Variants in SPON1 observed in about 807,000 individuals in gnomAD.
The protein encoded by SPON1 is spondin 1.
A neutral mutation model predicts 111.7 loss-of-function variants in SPON1; 52 were observed. The ratio of observed to expected loss-of-function variants is 0.47; its 90% CI spans 0.37 to 0.59. The LOEUF is 0.59. Among genes scored for constraint, SPON1 ranks in the 20% least tolerant of loss-of-function variants. The probability of loss-of-function intolerance (pLI) is 0.00; values close to 1 mark genes in which losing one functional copy is unlikely to be tolerated. For missense variants in SPON1, 957 were observed against 1,068.5 expected (o/e 0.90, Z 1.46); for synonymous variants, 410 against 395.8 (o/e 1.04, Z -0.43).
chr11:14,160,053 T>C (rs1847892074), intron 6 of SPON1, among the ~76,000 whole-genome samples: 1 of 151,978 alleles, frequency 6.6e-6, no homozygotes, highest in Non-Finnish European at 1.5e-5. Context: ...AATTGGATTG[T>C]TTGTAACTCA....
At chr11:14,116,071 T>C (rs978899430) in intron 5 of SPON1, among the ~76,000 whole-genome samples, 1 of 152,168 alleles carries the variant, frequency 6.6e-6, no homozygotes, top group Non-Finnish European at 1.5e-5. Context: ...TTGATCGTTT[T>C]TCTTTTTCTA....
chr11:14,074,415 A>T lies in SPON1; in HGVS notation c.480-930A>T, dbSNP rs12283702. Among the ~76,000 whole-genome samples the T allele has an allele frequency of 5.0e-3, 759 of 152,340 alleles. 4 individuals carry two copies. Among genetic ancestry groups the T allele is most frequent in the African/African-American group, 0.017 (710 of 41,582 alleles). Reference sequence around the variant, plus strand: ...TGGGATCATGTGACACATGCAGATCATGTGACTCTAATACTCCTTCAGTGT... The same window carrying T: ...TGGGATCATGTGACACATGCAGATCTTGTGACTCTAATACTCCTTCAGTGT... On this transcript the variant is annotated intron_variant, in intron 3 of 15. Coordinates refer to ENST00000576479, the MANE Select transcript of SPON1 (RefSeq NM_006108.4).
At chr11:14,205,311 G>C (rs1848506362) in intron 6 of SPON1, among the ~76,000 whole-genome samples, 2 of 152,116 alleles carry the variant, frequency 1.3e-5, no homozygotes, top group Admixed American at 1.3e-4. Flanking sequence ...ATAGAATATA[G>C]AGTCCCTGTC....
rs113331781 is a variant in SPON1 at position 14,180,527 on chromosome 11, A to G, written c.825+44959A>G. Among the ~76,000 whole-genome samples, 506 of 152,270 alleles carry G rather than the reference A, an allele frequency of 3.3e-3. 7 individuals carry two copies. The highest frequency in any genetic ancestry group is 0.011 in the African/African-American group (466 of 41,550). On this transcript the variant is annotated intron_variant, in intron 6 of 15. Coordinates refer to ENST00000576479, the MANE Select transcript of SPON1 (RefSeq NM_006108.4). Reference sequence around the variant, plus strand: ...GGCTAGCTCCTTCAGATCCTGATGCATCATCTCCACTAATAAGTCACCCCT... The same window carrying G: ...GGCTAGCTCCTTCAGATCCTGATGCGTCATCTCCACTAATAAGTCACCCCT...
intron 4 of SPON1, among the ~76,000 whole-genome samples, chr11:14,078,397 C>G (rs1425758704): frequency 2.0e-5 from 3 of 152,120 alleles, no homozygotes; most frequent in Non-Finnish European, 4.4e-5. Context: ...CCCCTAGTAG[C>G]TACAATTGAA....
intron 7 of SPON1, among the ~76,000 whole-genome samples, chr11:14,249,829 A>G (rs1849033578): frequency 6.6e-6 from 1 of 152,198 alleles, no homozygotes; most frequent in Admixed American, 6.5e-5. Context: ...CTCACAATAA[A>G]ACCTTGGGGT....
At chr11:13,972,399 C>A (rs1212200682) in intron 1 of SPON1, among the ~76,000 whole-genome samples, 2 of 152,184 alleles carry the variant, frequency 1.3e-5, no homozygotes, top group East Asian at 3.8e-4. Context: ...TAGATTTAAT[C>A]CAGCATGTTT....
At chr11:14,263,309 A>T (rs893965721) in intron 15 of SPON1, among the ~76,000 whole-genome samples, 1 of 152,218 alleles carries the variant, frequency 6.6e-6, no homozygotes, top group African/African-American at 2.4e-5. Context: ...AATGTGTCCA[A>T]CTTTGCTCAA....
chr11:14,233,919 T>C (rs1052194209), intron 6 of SPON1, among the ~76,000 whole-genome samples: 2 of 152,032 alleles, frequency 1.3e-5, no homozygotes, highest in African/African-American at 2.4e-5. Flanking sequence ...CCCGCCACCA[T>C]GCCCAGCTAA....
At chr11:14,131,138 A>G (rs1346258760) in intron 5 of SPON1, among the ~76,000 whole-genome samples, 4 of 152,070 alleles carry the variant, frequency 2.6e-5, no homozygotes, top group African/African-American at 4.8e-5. Context: ...GTTCTTTTTC[A>G]TCTAATTTCT....
chr11:14,053,180 G>A (rs782548365), intron 3 of SPON1, among the ~76,000 whole-genome samples: 1 of 152,166 alleles, frequency 6.6e-6, no homozygotes, highest in Non-Finnish European at 1.5e-5. Flanking sequence ...CCATTTTAAA[G>A]TGATCAATTC....
chr11:14,115,255 T>C (rs1459985730), intron 5 of SPON1, among the ~76,000 whole-genome samples: 1 of 152,182 alleles, frequency 6.6e-6, no homozygotes, highest in Non-Finnish European at 1.5e-5. Flanking sequence ...ACTCAGTTAG[T>C]TTTTCTTTAT....
At position 13,983,169 on chromosome 11, in the gene SPON1, A is replaced by G. The variant is rs368671281; in HGVS notation, c.345+216A>G. Among the ~76,000 whole-genome samples the G allele has an allele frequency of 3.0e-3, 455 of 152,376 alleles. 1 individual carries two copies. The highest frequency in any genetic ancestry group is 0.01 in the African/African-American group (433 of 41,592). On this transcript the variant is annotated intron_variant, in intron 2 of 15. Transcript: ENST00000576479. ...GGGGCAGGCCTTGTTTTGTCTCAGC[A>G]GATCACGGGGCTCTTCTCTGGGCCC...
At chr11:14,091,472 C>G (rs1038860116) in intron 5 of SPON1, among the ~76,000 whole-genome samples, 2 of 152,188 alleles carry the variant, frequency 1.3e-5, no homozygotes, top group African/African-American at 2.4e-5. Flanking sequence ...AGCCCTGCCC[C>G]GCGGGAAGGC....
chr11:14,104,797 G>A (rs1219460261), intron 5 of SPON1, among the ~76,000 whole-genome samples: 1 of 152,034 alleles, frequency 6.6e-6, no homozygotes, highest in African/African-American at 2.4e-5. Flanking sequence ...TGAAGTCAGT[G>A]CTGGTCCATT....
At chr11:14,205,933 C>G (rs547869955) in intron 6 of SPON1, among the ~76,000 whole-genome samples, 3 of 151,980 alleles carry the variant, frequency 2.0e-5, no homozygotes, top group African/African-American at 4.8e-5. Flanking sequence ...CCATAGTTCC[C>G]AACACTTGCT....
intron 6 of SPON1, among the ~76,000 whole-genome samples, chr11:14,206,804 A>G (rs1848521834): frequency 1.3e-5 from 2 of 152,314 alleles, no homozygotes; most frequent in Non-Finnish European, 1.5e-5. Context: ...AAACAGCCAC[A>G]CTGCCCAAAG....
At chr11:14,115,370 C>T (rs534661181) in intron 5 of SPON1, among the ~76,000 whole-genome samples, 32 of 152,272 alleles carry the variant, frequency 2.1e-4, no homozygotes, top group South Asian at 8.3e-4. Context: ...TTCATTTCAC[C>T]AGCACAAAAC....
chr11:14,075,389 G>A lies in SPON1; in HGVS notation c.524G>A (p.Gly175Asp). 1 of 1,559,836 alleles carries A rather than the reference G, an allele frequency of 6.4e-7. No individual in the cohort carries two copies. The highest frequency in any genetic ancestry group is 8.7e-7 in the Non-Finnish European group (1 of 1,150,958). ...CGCATTATTTATTTTCAAGATGAGGGCTCTCTGACCAAGAAACTTTGTGAA... is the reference window on the plus strand; with the variant it reads ...CGCATTATTTATTTTCAAGATGAGGACTCTCTGACCAAGAAACTTTGTGAA... ...QKRIIYFQDE[G>D]SLTKKLCEQD... The change falls in exon 4 of 16, where the codon GGC (glycine) becomes GAC (aspartate). Residue 175 changes from glycine (G) to aspartate (D), a missense_variant. Physicochemically the swap from Gly to Asp is moderately conservative, Grantham distance 94 (BLOSUM62 -1). This residue lies in a region of SPON1 where 262 missense variants were observed against 253.9 expected (regional missense o/e 1.03). Transcript: ENST00000576479.
Sources: allele counts gnomAD v4.1 joint callset (sites outside exome capture counted in the v4.1 genomes callset), GRCh38; gene constraint gnomAD v4.1.1; regional missense constraint gnomAD v4.1.1; transcripts MANE v1.5; gene names NCBI Gene and HGNC (gene_info 2026-07-23, HGNC 2026-07-21).